HSPA12A: variants seen among roughly 807,000 people sequenced by gnomAD.
HSPA12A encodes heat shock 70 kDa protein 12A.
In HSPA12A, 28 loss-of-function variants were observed where a neutral mutation model predicts 69.2. The observed-to-expected ratio is 0.40, with a 90% confidence interval of 0.30 to 0.55. HSPA12A has a LOEUF of 0.55. Among genes scored for constraint, HSPA12A ranks in the 20% least tolerant of loss-of-function variants. The pLI is 0.38. For synonymous variants in HSPA12A, 345 were observed against 370.5 expected (o/e 0.93, Z 0.79); for missense variants, 686 against 900.7 (o/e 0.76, Z 3.05).
At position 116,672,823 on chromosome 10, in the gene HSPA12A, C is replaced by T. The variant is rs116164904; in HGVS notation, c.*1958G>A. 6.5e-6 allele frequency: 1 copy of T among 152,680 alleles called. No individual in the cohort carries two copies. The highest frequency in any genetic ancestry group is 2.4e-5 in the African/African-American group (1 of 41,550). The allele number at this position is 152,680 out of a possible 1,614,324, so 9.5% of individuals were successfully genotyped here. A position where few individuals can be genotyped will look rare whatever the true frequency, so the allele number is the denominator to read the frequency against. On this transcript the variant is annotated 3_prime_UTR_variant, in exon 12 of 12. Coordinates refer to ENST00000369209, the MANE Select transcript of HSPA12A (RefSeq NM_025015.3). Reference sequence around the variant, plus strand: ...TTAGCGTTTGAAGCAGGGCAGGTAGCAAGAGAACATTAGCAAAGACACCTT... The same window carrying T: ...TTAGCGTTTGAAGCAGGGCAGGTAGTAAGAGAACATTAGCAAAGACACCTT...
intron 1 of HSPA12A, among the ~76,000 whole-genome samples, chr10:116,711,242 G>A (rs1483588270): frequency 1.3e-5 from 2 of 152,122 alleles, no homozygotes; most frequent in African/African-American, 4.8e-5. Context: ...TCTCCCTCGG[G>A]ACTACTCTCA....
rs537590952 is a variant in HSPA12A at position 116,715,275 on chromosome 10, G to A, written c.41-7990C>T. Among the ~76,000 whole-genome samples the A allele has an allele frequency of 2.0e-4, 30 of 152,314 alleles. No individual in the cohort carries two copies. In the South Asian group the frequency reaches 4.8e-3, roughly 24 times the overall value. ...CCTGACTGCCCCGGAGACCAACTGC[G>A]ACAGCTTAGAAGAGACTTAAAACAC... On this transcript the variant is annotated intron_variant, in intron 1 of 11. Coordinates refer to ENST00000369209, the MANE Select transcript of HSPA12A (RefSeq NM_025015.3).
chr10:116,727,976 AT>A (rs1445480980), intron 1 of HSPA12A, among the ~76,000 whole-genome samples: 2 of 151,770 alleles, frequency 1.3e-5, no homozygotes, highest in Middle Eastern at 3.4e-3. Context: ...CACCCAGCTA[AT>A]TTTTCTATTT....
At chr10:116,798,965 C>A (rs1163207882) in intron 2 of HSPA12A, among the ~76,000 whole-genome samples, 1 of 152,082 alleles carries the variant, frequency 6.6e-6, no homozygotes, top group Admixed American at 6.5e-5. Flanking sequence ...TCCTCCGCAG[C>A]CTGGGCCATG....
chr10:116,751,740 C>G (rs1851780355), intron 2 of HSPA12A, among the ~76,000 whole-genome samples: 1 of 152,116 alleles, frequency 6.6e-6, no homozygotes, highest in Non-Finnish European at 1.5e-5. Context: ...GAGGTGGGAC[C>G]TGGTGGGAGG....
intron 1 of HSPA12A, among the ~76,000 whole-genome samples, chr10:116,845,464 G>A (rs1017105223): frequency 6.6e-6 from 1 of 152,084 alleles, no homozygotes; most frequent in African/African-American, 2.4e-5. Flanking sequence ...GCCTTCCAAT[G>A]CAGTTACAGA....
In HSPA12A at chr10:116,815,507, G is replaced by A. The variant is rs577779859; in HGVS notation, c.91+19428C>T. Among the ~76,000 whole-genome samples the A allele has an allele frequency of 9.2e-5, 14 of 152,256 alleles. No homozygotes were observed. The East Asian group carries it at 1.7e-3, about 19-fold the overall frequency. Reference sequence around the variant, plus strand: ...GGAGAATTGCTTGAACTCAGGACACGGAGATGGCAGTGAGCCGAGATCACG... The same window carrying A: ...GGAGAATTGCTTGAACTCAGGACACAGAGATGGCAGTGAGCCGAGATCACG... On this transcript the variant is annotated intron_variant, in intron 2 of 12. Coordinates refer to the HSPA12A transcript ENST00000635765.
At chr10:116,771,505 GA>G (rs1554890488) in intron 2 of HSPA12A, among the ~76,000 whole-genome samples, 1 of 152,246 alleles carries the variant, frequency 6.6e-6, no homozygotes, top group Non-Finnish European at 1.5e-5. Context: ...TTTAAGCAAC[GA>G]AAGAGGCCAG....
intron 2 of HSPA12A, among the ~76,000 whole-genome samples, chr10:116,793,871 A>T (rs181284091): frequency 6.6e-6 from 1 of 152,184 alleles, no homozygotes; most frequent in East Asian, 1.9e-4. Context: ...GAGATGGCAC[A>T]TAAAGTCCTA....
chr10:116,791,425 A>C (rs1041264449), intron 2 of HSPA12A, among the ~76,000 whole-genome samples: 1 of 152,192 alleles, frequency 6.6e-6, no homozygotes, highest in Non-Finnish European at 1.5e-5. Flanking sequence ...TCCACCCAAC[A>C]TACTGGCTCC....
rs1337918335 is a variant in HSPA12A at position 116,735,577 on chromosome 10, C to T, written c.40+6853G>A. Among the ~76,000 whole-genome samples the T allele has an allele frequency of 4.6e-5, 7 of 152,166 alleles. No individual in the cohort carries two copies. The South Asian group carries it at 1.0e-3, about 23-fold the overall frequency. Reference sequence around the variant, plus strand: ...CAGCACCAACCCCCAGACCTGTGAGCGAGGTCATCTTGGACTACCCAGACT... The same window carrying T: ...CAGCACCAACCCCCAGACCTGTGAGTGAGGTCATCTTGGACTACCCAGACT... On this transcript the variant is annotated intron_variant, in intron 1 of 11. Coordinates refer to ENST00000369209, the MANE Select transcript of HSPA12A (RefSeq NM_025015.3).
intron 2 of HSPA12A, among the ~76,000 whole-genome samples, chr10:116,788,370 C>G (rs1244957963): frequency 6.6e-6 from 1 of 152,222 alleles, no homozygotes; most frequent in African/African-American, 2.4e-5. Flanking sequence ...AAGAAAAGCA[C>G]AGATGCAAAC....
At chr10:116,676,860 C>T (rs1799253979) in intron 10 of HSPA12A, among the ~76,000 whole-genome samples, 1 of 152,208 alleles carries the variant, frequency 6.6e-6, no homozygotes, top group Non-Finnish European at 1.5e-5. Flanking sequence ...TAAAAGCTCC[C>T]TGGCGAGTTT....
In HSPA12A at chr10:116,751,345, T is replaced by C. The variant is rs74501852; in HGVS notation, c.92-44060A>G. The stretch of plus-strand genomic sequence containing the variant: ...GACCAACCAGCAAAAAATAAATAAA[T>C]AAGTAAAAATTAAAGTTGCATGTAC... On this transcript the variant is annotated intron_variant, in intron 2 of 12. Transcript: ENST00000635765. 848 of 155,066 alleles carry C rather than the reference T, an allele frequency of 5.5e-3. 24 individuals are homozygous for C. The East Asian group carries it at 0.094, about 17-fold the overall frequency. The allele number at this position is 155,066 out of a possible 1,614,324, so 9.6% of individuals were successfully genotyped here.
At chr10:116,795,791 A>T (rs1844808405) in intron 2 of HSPA12A, among the ~76,000 whole-genome samples, 1 of 150,854 alleles carries the variant, frequency 6.6e-6, no homozygotes, top group East Asian at 1.9e-4. Flanking sequence ...TTTATAAATT[A>T]TTATATACAT....
chr10:116,749,628 AT>A (rs1851728942), intron 2 of HSPA12A, among the ~76,000 whole-genome samples: 1 of 152,228 alleles, frequency 6.6e-6, no homozygotes, highest in African/African-American at 2.4e-5. Context: ...GAATGAACAA[AT>A]TATCAAATTA....
intron 1 of HSPA12A, among the ~76,000 whole-genome samples, chr10:116,719,223 T>C (rs1312676820): frequency 1.3e-5 from 2 of 152,198 alleles, no homozygotes; most frequent in African/African-American, 4.8e-5. Flanking sequence ...CCGCTGCCAA[T>C]GAGGAACGTG....
rs10631951 is a variant in HSPA12A, at chr10:116,734,650, C to CTTT, written c.40+7777_40+7779dup. On this transcript the variant is annotated intron_variant, in intron 1 of 11. Transcript: ENST00000369209. Reference sequence around the variant, plus strand: ...GGTAGTTGCATCTACAGATTTTCAGCTTTTTTTTTTTTTTTGCTTTTTTCA... The same window carrying CTTT: ...GGTAGTTGCATCTACAGATTTTCAGCTTTTTTTTTTTTTTTTTTGCTTTTTTCA... 4.0e-3 allele frequency among the ~76,000 whole-genome samples: 535 copies of CTTT among 133,678 alleles called. 4 individuals are homozygous for CTTT. Among genetic ancestry groups the CTTT allele is most frequent in the South Asian group, 0.017 (71 of 4,188 alleles). 87.7% of individuals were successfully genotyped at this position (133,678 alleles called of 152,430 possible).
chr10:116,812,383 G>A (rs1401319524), intron 2 of HSPA12A, among the ~76,000 whole-genome samples: 1 of 152,054 alleles, frequency 6.6e-6, no homozygotes, highest in Non-Finnish European at 1.5e-5. Flanking sequence ...AACCCAGGAG[G>A]CAGAGGATGC....
Sources: allele counts gnomAD v4.1 joint callset (sites outside exome capture counted in the v4.1 genomes callset), GRCh38; gene constraint gnomAD v4.1.1; transcripts MANE v1.5; gene names NCBI Gene and HGNC (gene_info 2026-07-23, HGNC 2026-07-21).